MEDAG: variants seen among roughly 807,000 people sequenced by gnomAD.
The protein encoded by MEDAG is mesenteric estrogen-dependent adipogenesis protein.
Under a neutral mutation model 29.9 loss-of-function variants are expected in MEDAG, and 25 were observed. The ratio of observed to expected loss-of-function variants is 0.84; its 90% CI spans 0.61 to 1.17. MEDAG has a LOEUF of 1.17. Among genes scored for constraint, MEDAG ranks in the 50% most tolerant of loss-of-function variants. The pLI is 0.00. For missense variants in MEDAG, 398 were observed against 372.9 expected (o/e 1.07, Z -0.56); for synonymous variants, 158 against 148.2 (o/e 1.07, Z -0.48).
rs114318517 is a variant in MEDAG at position 30,911,933 on chromosome 13, T to G, written c.278+5140T>G. Among the ~76,000 whole-genome samples, 1,382 of 152,240 alleles carry G rather than the reference T, an allele frequency of 9.1e-3. 33 individuals carry two copies. The highest frequency in any genetic ancestry group is 0.032 in the African/African-American group (1,322 of 41,550). ...AAGGATCACACTTTGAGCAAGAAGGTTATACATTCATCATTTCATACCAAA... is the reference window on the plus strand; with the variant it reads ...AAGGATCACACTTTGAGCAAGAAGGGTATACATTCATCATTTCATACCAAA... On this transcript the variant is annotated intron_variant, in intron 1 of 4. Transcript: ENST00000380482.
At chr13:30,908,460 T>A (rs1475013538) in intron 1 of MEDAG, among the ~76,000 whole-genome samples, 1 of 152,186 alleles carries the variant, frequency 6.6e-6, no homozygotes, top group Non-Finnish European at 1.5e-5. Context: ...TAACTGAGTG[T>A]GCAGTCCTGA....
intron 4 of MEDAG, among the ~76,000 whole-genome samples, chr13:30,923,573 A>G (rs1028376081): frequency 6.6e-6 from 1 of 151,986 alleles, no homozygotes; most frequent in African/African-American, 2.4e-5. Context: ...CTCTGTTGCA[A>G]TCATGTGGAG....
At chr13:30,906,862 C>A in intron 1 of MEDAG, 69 bp downstream of exon 1, 1 of 1,381,678 alleles carries the variant, frequency 7.2e-7, no homozygotes, top group African/African-American at 1.5e-5. Context: ...CGGCTGCGGT[C>A]TCTGGGAGCC....
At chr13:30,906,939 T>A in intron 1 of MEDAG, 146 bp downstream of exon 1, 1 of 818,342 alleles carries the variant, frequency 1.2e-6, no homozygotes, top group Non-Finnish European at 1.8e-6. Context: ...ACTTTCCTTC[T>A]GCTTCTATCA....
Position 30,906,404 on chromosome 13 carries a change from C to G in MEDAG, c.-112C>G, listed in dbSNP as rs892977370. On this transcript the variant is annotated 5_prime_UTR_variant, in exon 1 of 5. Transcript: ENST00000380482. ...GCAGACCGACCCCCTCCTCACCTCG[C>G]GCGCGGCTGACGCAGGCAGGGCGCC... The G allele has an allele frequency of 1.5e-5, 18 of 1,194,486 alleles. 1 individual carries two copies. Among genetic ancestry groups the G allele is most frequent in the Middle Eastern group, 6.2e-4 (2 of 3,208 alleles). The allele number at this position is 1,194,486 out of a possible 1,614,324, so 74.0% of individuals were successfully genotyped here.
chr13:30,921,137 C>G lies in MEDAG; in HGVS notation c.501+11C>G. 6.2e-7 allele frequency: 1 copy of G among 1,605,080 alleles called. No individual in the cohort carries two copies. The highest frequency in any genetic ancestry group is 8.5e-7 in the Non-Finnish European group (1 of 1,173,150). ...AGTTACCGGCTTCAGGTAAGCCTAG[C>G]CTGTCTGAATCCAGGGCTGTCAACC... On this transcript the variant is annotated intron_variant, in intron 3 of 4. Coordinates refer to ENST00000380482, the MANE Select transcript of MEDAG (RefSeq NM_032849.4).
At position 30,924,488 on chromosome 13, in the gene MEDAG, A is replaced by G; in HGVS notation, c.*53A>G. The G allele has an allele frequency of 6.4e-7, 1 of 1,556,996 alleles. No homozygotes were observed. Among genetic ancestry groups the G allele is most frequent in the South Asian group, 1.2e-5 (1 of 82,442 alleles). The stretch of plus-strand genomic sequence containing the variant: ...CCGCACTCCAGGCCTGTGCTAGACT[A>G]TAGGCTGGGGGGAGGGTAGGAGGTG... On this transcript the variant is annotated 3_prime_UTR_variant, in exon 5 of 5. Transcript: ENST00000380482.
chr13:30,913,214 G>T (rs1183837949), intron 1 of MEDAG, among the ~76,000 whole-genome samples: 1 of 152,020 alleles, frequency 6.6e-6, no homozygotes, highest in Non-Finnish European at 1.5e-5. Context: ...TGGTTGCTTT[G>T]GGTTGTTTGT....
intron 2 of MEDAG, among the ~76,000 whole-genome samples, chr13:30,920,783 C>G (rs946544450): frequency 1.3e-5 from 2 of 152,192 alleles, no homozygotes; most frequent in Non-Finnish European, 2.9e-5. Context: ...AGCTGATTAT[C>G]TAGCCTGCCT....
Position 30,921,646 on chromosome 13 carries a change from T to C in MEDAG, c.587T>C (p.Phe196Ser), listed in dbSNP as rs1952986808. Reference protein sequence around the residue: ...NGENLSFAYEFKADALFDFFY... With the variant: ...NGENLSFAYESKADALFDFFY... The stretch of plus-strand genomic sequence containing the variant: ...GAAAATTTAAGCTTTGCATATGAAT[T>C]CAAAGCTGATGCATTATTTGATTTC... The change falls in exon 4 of 5, where the codon TTC (phenylalanine) becomes TCC (serine). Residue 196 changes from phenylalanine (F) to serine (S), a missense_variant. Phe to Ser is a radical substitution (Grantham distance 155). Transcript: ENST00000380482. 2.5e-6 allele frequency: 4 copies of C among 1,613,790 alleles called. No individual in the cohort carries two copies. Among genetic ancestry groups the C allele is most frequent in the Admixed American group, 1.7e-5 (1 of 59,990 alleles).
Position 30,921,595 on chromosome 13 carries a change from C to T in MEDAG, c.536C>T (p.Pro179Leu), listed in dbSNP as rs765200612. ...CAAGAGGCAGTGAAGAATTTCTTCC[C>T]CCCAGGAAATGAAGTGGTTAATGGA... Reference protein sequence around the residue: ...DFQEAVKNFFPPGNEVVNGEN... With the variant: ...DFQEAVKNFFLPGNEVVNGEN... The change falls in exon 4 of 5, where the codon CCC (proline) becomes CTC (leucine). Residue 179 changes from proline to leucine, a missense_variant. By Grantham distance (98) the Pro-to-Leu change is moderately conservative. Transcript: ENST00000380482. 1 of 1,607,780 alleles carries T rather than the reference C, an allele frequency of 6.2e-7. No individual in the cohort carries two copies. The highest frequency in any genetic ancestry group is 8.5e-7 in the Non-Finnish European group (1 of 1,178,416).
In MEDAG at chr13:30,906,706, C is replaced by G. The variant is rs1263989582; in HGVS notation, c.191C>G (p.Ala64Gly). ...QLVVARPGEP[A>G]AARGGFNVFG... ...GTGGTGGCCAGGCCCGGGGAGCCGG[C>G]GGCGGCGCGGGGGGGCTTCAACGTC... is the stretch of plus-strand genomic sequence containing the variant. Residue 64 changes from alanine (A) to glycine (G), a missense_variant, in exon 1 of 5, where the codon GCG becomes GGG. By Grantham distance (60) the Ala-to-Gly change is moderately conservative. Transcript: ENST00000380482. The G allele has an allele frequency of 1.3e-6, 2 of 1,518,662 alleles. No individual in the cohort carries two copies. The highest frequency in any genetic ancestry group is 1.2e-5 in the South Asian group (1 of 80,090). The allele number at this position is 1,518,662 out of a possible 1,614,324, so 94.1% of individuals were successfully genotyped here.
Position 30,921,737 on chromosome 13 carries a change from T to C in MEDAG, c.678T>C (p.Ser226=). ...KVNGKVLNLS[S]TSPEKKETIK... is the part of the protein sequence containing the mutation. Reference sequence around the variant, plus strand: ...ATGGAAAAGTTCTGAATTTGTCAAGTACAAGTCCAGAAAAGAAGGAGACGA... The same window carrying C: ...ATGGAAAAGTTCTGAATTTGTCAAGCACAAGTCCAGAAAAGAAGGAGACGA... Residue 226 remains serine (S), a synonymous_variant, in exon 4 of 5, where the codon AGT becomes AGC. Coordinates refer to ENST00000380482, the MANE Select transcript of MEDAG (RefSeq NM_032849.4). 4 of 1,614,038 alleles carry C rather than the reference T, an allele frequency of 2.5e-6. No individual in the cohort carries two copies. Among genetic ancestry groups the C allele is most frequent in the Non-Finnish European group, 3.4e-6 (4 of 1,179,978 alleles).
At chr13:30,909,630 G>T (rs1207534650) in intron 1 of MEDAG, among the ~76,000 whole-genome samples, 1 of 152,150 alleles carries the variant, frequency 6.6e-6, no homozygotes, top group Admixed American at 6.5e-5. Context: ...GAGATACTTG[G>T]ACCCAGGTTA....
chr13:30,912,473 T>C (rs955760005), intron 1 of MEDAG, among the ~76,000 whole-genome samples: 1 of 152,012 alleles, frequency 6.6e-6, no homozygotes, highest in Non-Finnish European at 1.5e-5. Context: ...GTTCTTCTTT[T>C]TCTCTGCTCA....
Position 30,924,495 on chromosome 13 carries a change from G to A in MEDAG, c.*60G>A, listed in dbSNP as rs542085608. On this transcript the variant is annotated 3_prime_UTR_variant, in exon 5 of 5. Transcript: ENST00000380482. ...CCAGGCCTGTGCTAGACTATAGGCT[G>A]GGGGGAGGGTAGGAGGTGGGAGGCA... The A allele has an allele frequency of 1.3e-6, 2 of 1,525,152 alleles. No homozygotes were observed. Among genetic ancestry groups the A allele is most frequent in the Non-Finnish European group, 1.8e-6 (2 of 1,130,164 alleles). The allele number at this position is 1,525,152 out of a possible 1,614,324, so 94.5% of individuals were successfully genotyped here. A position where few individuals can be genotyped will look rare whatever the true frequency, so the allele number is the denominator to read the frequency against.
At chr13:30,908,616 G>A (rs930285046) in intron 1 of MEDAG, among the ~76,000 whole-genome samples, 1 of 152,124 alleles carries the variant, frequency 6.6e-6, no homozygotes, top group Non-Finnish European at 1.5e-5. Context: ...GATATCTAAA[G>A]CTTCGTTCCT....
At chr13:30,915,045 G>A (rs1208024361) in intron 1 of MEDAG, among the ~76,000 whole-genome samples, 1 of 152,184 alleles carries the variant, frequency 6.6e-6, no homozygotes, top group Non-Finnish European at 1.5e-5. Context: ...GGTGGAGCCT[G>A]CTCCCCAACT....
chr13:30,910,305 C>T (rs1161845767), intron 1 of MEDAG, among the ~76,000 whole-genome samples: 2 of 152,044 alleles, frequency 1.3e-5, no homozygotes, highest in Non-Finnish European at 2.9e-5. Context: ...TTTTGGTGCT[C>T]CCCTAGCATG....
Sources: allele counts gnomAD v4.1 joint callset (sites outside exome capture counted in the v4.1 genomes callset), GRCh38; gene constraint gnomAD v4.1.1; transcripts MANE v1.5; gene names NCBI Gene and HGNC (gene_info 2026-07-23, HGNC 2026-07-21).